COL6A3: variants seen among roughly 807,000 people sequenced by gnomAD.
The protein encoded by COL6A3 is collagen type VI alpha 3 chain.
A neutral mutation model predicts 274.1 loss-of-function variants in COL6A3; 137 were observed. The observed-to-expected ratio is 0.50, with a 90% CI of 0.44 to 0.58. COL6A3 has a LOEUF of 0.58. COL6A3 is among the 20% of genes least tolerant of loss of function. COL6A3 has a pLI of 0.00. For missense variants in COL6A3, 3,950 were observed against 4,124.9 expected (o/e 0.96, Z 1.16); for synonymous variants, 1,650 against 1,650.6 (o/e 1.00, Z 0.01).
At chr2:237,395,335 C>T in intron 2 of COL6A3, 131 bp from the exon 3 acceptor site, 2 of 957,898 alleles carry the variant, frequency 2.1e-6, no homozygotes, top group African/African-American at 1.6e-5. Context: ...ACTGATAATA[C>T]AGGAAGGTAG....
chr2:237,396,499 C>G (rs1216540029), intron 2 of COL6A3, among the ~76,000 whole-genome samples: 1 of 152,164 alleles, frequency 6.6e-6, no homozygotes, highest in Admixed American at 6.5e-5. Context: ...CAAGCCAATT[C>G]CAAGATACCA....
chr2:237,332,883 T>A (rs1207968213), intron 42 of COL6A3: 1 of 156,660 alleles, frequency 6.4e-6, no homozygotes, highest in Non-Finnish European at 1.4e-5. Flanking sequence ...AGTTCCTGAA[T>A]TACACCTAAC....
At position 237,378,796 on chromosome 2, in the gene COL6A3, G is replaced by C. The variant is rs2077919813; in HGVS notation, c.2337C>G (p.Ser779Arg). The change falls in exon 6 of 44, where the codon AGC becomes AGG. Residue 779 changes from serine (S) to arginine (R), a missense_variant. Coordinates refer to ENST00000295550, the MANE Select transcript of COL6A3 (RefSeq NM_004369.4). ...AGILTFCVGA[S>R]QANKAELEQI... The stretch of plus-strand genomic sequence containing the variant: ...GCTCAAGCTCTGCCTTATTCGCCTG[G>C]CTAGCTCCCACACAAAAAGTCAGGA... 1.2e-5 allele frequency: 20 copies of C among 1,614,064 alleles called. No individual in the cohort carries two copies. Among genetic ancestry groups the C allele is most frequent in the Admixed American group, 1.7e-5 (1 of 59,988 alleles).
rs2077688742 is a variant in COL6A3 at position 237,371,631 on chromosome 2, C to T, written c.4285+101G>A. On this transcript the variant is annotated intron_variant, in intron 9 of 43. Transcript: ENST00000295550. The surrounding 1 kb of genome is among the most constrained non-coding windows in gnomAD (Gnocchi z 4.3). Reference sequence around the variant, plus strand: ...AACCATAAAGGTAAGGGCATACAACCTTTATTTTAATTTAATTTATTATGA... The same window carrying T: ...AACCATAAAGGTAAGGGCATACAACTTTTATTTTAATTTAATTTATTATGA... 2.6e-6 allele frequency: 4 copies of T among 1,511,174 alleles called. No individual in the cohort carries two copies. Among genetic ancestry groups the T allele is most frequent in the Middle Eastern group, 1.8e-4 (1 of 5,584 alleles). The allele number at this position is 1,511,174 out of a possible 1,614,324, so 93.6% of individuals were successfully genotyped here.
intron 27 of COL6A3, 53 bp downstream of exon 27, chr2:237,351,077 T>C: frequency 6.4e-7 from 1 of 1,553,792 alleles, no homozygotes; most frequent in Non-Finnish European, 8.9e-7. Flanking sequence ...GAGGGGCATG[T>C]GTGCCTGGCT....
At position 237,372,298 on chromosome 2, in the gene COL6A3, C is replaced by T. The variant is rs779516441; in HGVS notation, c.3719G>A (p.Gly1240Glu). The T allele has an allele frequency of 6.2e-6, 10 of 1,611,270 alleles. No individual in the cohort carries two copies. Among genetic ancestry groups the T allele is most frequent in the Admixed American group, 1.7e-5 (1 of 60,018 alleles). The stretch of plus-strand genomic sequence containing the variant: ...GAACTCAGGCCCGGCACTTTGGGAC[C>T]CATCGATGAGAAAGACCACGTCCCT... ...GKRDVVFLID[G>E]SQSAGPEFQY... The change falls in exon 9 of 44, where the codon GGG becomes GAG. Residue 1240 changes from glycine (G) to glutamate (E), a missense_variant. Coordinates refer to ENST00000295550, the MANE Select transcript of COL6A3 (RefSeq NM_004369.4).
intron 20 of COL6A3, 125 bp from the exon 21 acceptor site, chr2:237,358,708 T>G: frequency 1.1e-6 from 1 of 923,190 alleles, no homozygotes; most frequent in Non-Finnish European, 1.8e-6. Context: ...TCATTCACCA[T>G]GAAGGCAAAT....
At chr2:237,360,232 C>A in intron 16 of COL6A3, 73 bp from the exon 17 acceptor site, 1 of 1,422,844 alleles carries the variant, frequency 7.0e-7, no homozygotes. Flanking sequence ...CTTGCAGCAG[C>A]GTAAAGGGTA....
In COL6A3 at chr2:237,336,385, C is replaced by T. The variant is rs1203339903; in HGVS notation, c.8715G>A (p.Val2905=). ...KPVTIINQPS[V]KPAAAKPAPA... ...GGGCCGGCTTTGCAGCGGCTGGCTT[C>T]ACAGATGGCTGATTTATAATAGTCA... Residue 2905 remains valine, a synonymous_variant, in exon 40 of 44, where the codon GTG becomes GTA. Coordinates refer to ENST00000295550, the MANE Select transcript of COL6A3 (RefSeq NM_004369.4). 1 of 1,614,238 alleles carries T rather than the reference C, an allele frequency of 6.2e-7. No homozygotes were observed.
chr2:237,373,222 AC>A (rs1400586109), intron 8 of COL6A3, among the ~76,000 whole-genome samples: 1 of 152,108 alleles, frequency 6.6e-6, no homozygotes, highest in African/African-American at 2.4e-5. Context: ...CAGAAGCTGC[AC>A]CCGCACTGTG....
At position 237,361,724 on chromosome 2, in the gene COL6A3, G is replaced by A. The variant is rs748634277; in HGVS notation, c.6156+15C>T. The A allele has an allele frequency of 1.1e-5, 18 of 1,612,874 alleles. No individual in the cohort carries two copies. The South Asian group carries it at 1.9e-4, about 17-fold the overall frequency. ...CACCTCATCTCAGGCGTGGGCAAGG[G>A]TAAAGCCACCGTACCTTTGGCCCGA... On this transcript the variant is annotated intron_variant, in intron 15 of 43. Transcript: ENST00000295550. The surrounding 1 kb of genome is among the most constrained non-coding windows in gnomAD (Gnocchi z 5.1).
At chr2:237,357,596 A>T (rs574307365) in intron 22 of COL6A3, among the ~76,000 whole-genome samples, 2 of 152,292 alleles carry the variant, frequency 1.3e-5, no homozygotes, top group African/African-American at 2.4e-5. Flanking sequence ...ACCTTCCGTA[A>T]ATATCTAAGA....
At chr2:237,347,654 C>G (rs1324117607) in intron 31 of COL6A3, among the ~76,000 whole-genome samples, 153 bp downstream of exon 31, 9 of 152,234 alleles carry the variant, frequency 5.9e-5, no homozygotes, top group African/African-American at 2.2e-4. Context: ...ACCCTGAGGA[C>G]ATTGGTCTGG....
At position 237,368,557 on chromosome 2, in the gene COL6A3, GCAT is replaced by G. The variant is rs2077607427; in HGVS notation, c.4900+3_4900+5del. The stretch of plus-strand genomic sequence containing the variant: ...ACTCTGTAGTCATGGGTCACACGGT[GCAT>G]ACCTGGCCGTGAAGGAGGAGGGGTG... On this transcript the variant is annotated splice_donor_5th_base_variant and intron_variant, in intron 10 of 43. Transcript: ENST00000295550. This position sits in a 1 kb window ranked among gnomAD's most constrained non-coding sequence, Gnocchi z 4.4. The G allele has an allele frequency of 1.2e-6, 2 of 1,614,012 alleles. No individual in the cohort carries two copies. The highest frequency in any genetic ancestry group is 1.7e-6 in the Non-Finnish European group (2 of 1,179,996).
intron 38 of COL6A3, among the ~76,000 whole-genome samples, 183 bp from the exon 39 acceptor site, chr2:237,339,300 C>A (rs749715998): frequency 1.3e-5 from 2 of 152,154 alleles, no homozygotes; most frequent in African/African-American, 2.4e-5. Flanking sequence ...GGCATTGGAT[C>A]CATAAAACAT....
chr2:237,325,420 C>T (rs1035973044), intron 43 of COL6A3, 140 bp downstream of exon 43: 10 of 972,524 alleles, frequency 1.0e-5, no homozygotes, highest in Non-Finnish European at 1.4e-5. Context: ...TGTATTTGAA[C>T]GTCTTCCTTA....
At position 237,344,717 on chromosome 2, in the gene COL6A3, A is replaced by G. The variant is rs1368203644; in HGVS notation, c.7301T>C (p.Ile2434Thr). The change falls in exon 36 of 44, where the codon ATT (isoleucine) becomes ACT (threonine). Residue 2434 changes from isoleucine (I) to threonine (T), a missense_variant. This residue lies in a region of COL6A3 where 1,284 missense variants were observed against 1,349.7 expected (regional missense o/e 0.95). Coordinates refer to ENST00000295550, the MANE Select transcript of COL6A3 (RefSeq NM_004369.4). This position sits in a 1 kb window ranked among gnomAD's most constrained non-coding sequence, Gnocchi z 4.8. ...VVLSIVNDLT[I>T]AESNCPRGAR... is the part of the protein sequence containing the mutation. ...CCCCCGTGGGCAGTTGCTCTCAGCA[A>G]TGGTCAGGTCATTCACAATACTCAA... 2.5e-6 allele frequency: 4 copies of G among 1,606,802 alleles called. No individual in the cohort carries two copies. The African/African-American group carries it at 4.0e-5, about 16-fold the overall frequency.
chr2:237,348,287 C>T, intron 30 of COL6A3, 62 bp downstream of exon 30: 1 of 1,349,666 alleles, frequency 7.4e-7, no homozygotes, highest in Non-Finnish European at 1.1e-6. Flanking sequence ...ATTCTCAGTC[C>T]ATGGACATAC....
intron 28 of COL6A3, among the ~76,000 whole-genome samples, chr2:237,349,520 TAAAAC>T (rs1173806634): frequency 3.9e-5 from 6 of 152,396 alleles, no homozygotes; most frequent in Admixed American, 3.3e-4. Flanking sequence ...TGCTTGGAAT[TAAAAC>T]AGTCAGATCA....
Sources: allele counts gnomAD v4.1 joint callset (sites outside exome capture counted in the v4.1 genomes callset), GRCh38; gene constraint gnomAD v4.1.1; regional missense constraint gnomAD v4.1.1; non-coding constraint Gnocchi (gnomAD v3.1); transcripts MANE v1.5; gene names NCBI Gene and HGNC (gene_info 2026-07-23, HGNC 2026-07-21).